Variants in SCD5 observed in about 807,000 individuals in gnomAD.
SCD5 encodes the protein acyl-CoA-desaturase 4.
A neutral mutation model predicts 30.4 loss-of-function variants in SCD5; 20 were observed. The ratio of observed to expected loss-of-function variants is 0.66; its 90% confidence interval spans 0.46 to 0.96. The LOEUF (loss-of-function observed/expected upper bound fraction) is 0.96. Among genes scored for constraint, SCD5 ranks in the 40% least tolerant of loss-of-function variants. The probability of loss-of-function intolerance (pLI) is 0.00; values close to 1 mark genes in which losing one functional copy is unlikely to be tolerated. For synonymous variants in SCD5, 173 were observed against 176.4 expected, an observed-to-expected ratio of 0.98 and a Z score of 0.16; for missense variants, 381 against 443.3, an observed-to-expected ratio of 0.86 and a Z score of 1.26.
At chr4:82,642,221 G>A (rs1467276582) in intron 3 of SCD5, among the ~76,000 whole-genome samples, 8 of 151,994 alleles carry the variant, frequency 5.3e-5, no homozygotes, top group Non-Finnish European at 1.0e-4. Context: ...CAGCCACACC[G>A]GTTGTATACA....
chr4:82,751,357 G>A (rs139803377), intron 1 of SCD5, among the ~76,000 whole-genome samples: 7 of 152,064 alleles, frequency 4.6e-5, no homozygotes, highest in African/African-American at 1.7e-4. Context: ...CACCATACCC[G>A]GCTAAGAGAA....
intron 1 of SCD5, among the ~76,000 whole-genome samples, chr4:82,773,035 A>C (rs1721663192): frequency 6.6e-6 from 1 of 152,128 alleles, no homozygotes; most frequent in Admixed American, 6.5e-5. Context: ...ACTGCAATGC[A>C]TGGTGTGGGG....
At chr4:82,744,365 G>A (rs1195716023) in intron 1 of SCD5, among the ~76,000 whole-genome samples, 1 of 152,152 alleles carries the variant, frequency 6.6e-6, no homozygotes, top group Non-Finnish European at 1.5e-5. Context: ...ATTTACTCAG[G>A]TACAAAAAGT....
intron 2 of SCD5, among the ~76,000 whole-genome samples, chr4:82,689,525 A>G (rs1728786266): frequency 6.6e-6 from 1 of 152,218 alleles, no homozygotes; most frequent in Non-Finnish European, 1.5e-5. Flanking sequence ...CTATAAATAC[A>G]TTGGAAAAAG....
chr4:82,701,556 G>A (rs1719841986), intron 2 of SCD5, among the ~76,000 whole-genome samples: 2 of 152,112 alleles, frequency 1.3e-5, no homozygotes, highest in South Asian at 4.1e-4. Context: ...CATGCTGTAG[G>A]ACAGCACATA....
At chr4:82,692,016 G>A (rs1719529546) in intron 2 of SCD5, 1 of 151,512 alleles carries the variant, frequency 6.6e-6, no homozygotes, top group East Asian at 1.9e-4. Flanking sequence ...GTGAAACTCT[G>A]CCCTGAGATC....
intron 2 of SCD5, among the ~76,000 whole-genome samples, chr4:82,703,329 C>T (rs1719897559): frequency 6.6e-6 from 1 of 152,114 alleles, no homozygotes; most frequent in Non-Finnish European, 1.5e-5. Flanking sequence ...CAGACATTAG[C>T]ATACAGAAAC....
At chr4:82,695,529 G>A (rs573749420) in intron 2 of SCD5, among the ~76,000 whole-genome samples, 46 of 152,298 alleles carry the variant, frequency 3.0e-4, no homozygotes, top group Non-Finnish European at 5.7e-4. Flanking sequence ...CAGACTTCTG[G>A]TGGGAAAGCT....
intron 2 of SCD5, 107 bp downstream of exon 2, chr4:82,705,176 C>A (rs1719941842): frequency 1.4e-6 from 2 of 1,396,488 alleles, no homozygotes; most frequent in South Asian, 1.3e-5. Context: ...GGGGCCTGAA[C>A]ACTGAGTCTA....
chr4:82,796,249 G>A (rs1024368743), intron 1 of SCD5, among the ~76,000 whole-genome samples: 4 of 148,036 alleles, frequency 2.7e-5, no homozygotes, highest in Admixed American at 6.7e-5. Flanking sequence ...CAGCCTGGGC[G>A]ACAGAGCGAG....
chr4:82,796,121 T>C (rs1227266481), intron 1 of SCD5, among the ~76,000 whole-genome samples: 1 of 151,404 alleles, frequency 6.6e-6, no homozygotes, highest in Non-Finnish European at 1.5e-5. Flanking sequence ...ATACAAAAAA[T>C]TAGCCGGGCG....
At chr4:82,641,656 A>T (rs1727549520) in intron 3 of SCD5, among the ~76,000 whole-genome samples, 1 of 152,046 alleles carries the variant, frequency 6.6e-6, no homozygotes, top group South Asian at 2.1e-4. Flanking sequence ...GATGAACAAG[A>T]GGGAGGGTTG....
Position 82,734,610 on chromosome 4 carries a change from T to C in SCD5, c.233-29197A>G, listed in dbSNP as rs561891411. On this transcript the variant is annotated intron_variant, in intron 1 of 4. Coordinates refer to ENST00000319540, the MANE Select transcript of SCD5 (RefSeq NM_001037582.3). ...TTTAAAATTGTGCTTTTAACCAATTTTGTAATGAGAGATAAATACAAAACA... is the reference window on the plus strand; with the variant it reads ...TTTAAAATTGTGCTTTTAACCAATTCTGTAATGAGAGATAAATACAAAACA... Among the ~76,000 whole-genome samples the C allele has an allele frequency of 1.1e-3, 167 of 152,314 alleles. 1 individual carries two copies. The highest frequency in any genetic ancestry group is 3.9e-3 in the African/African-American group (161 of 41,564).
chr4:82,773,825 G>T (rs149674513), intron 1 of SCD5, among the ~76,000 whole-genome samples: 1 of 152,044 alleles, frequency 6.6e-6, no homozygotes, highest in Non-Finnish European at 1.5e-5. Flanking sequence ...GAGGCCGGGC[G>T]TGGTGGCTCA....
At chr4:82,684,831 G>A (rs1005467590) in intron 2 of SCD5, among the ~76,000 whole-genome samples, 2 of 152,010 alleles carry the variant, frequency 1.3e-5, no homozygotes, top group South Asian at 2.1e-4. Context: ...TTTGCTGCAC[G>A]GGAAACAAAA....
intron 1 of SCD5, among the ~76,000 whole-genome samples, chr4:82,766,569 ACT>A (rs1049457144): frequency 1.3e-5 from 2 of 151,590 alleles, no homozygotes; most frequent in Non-Finnish European, 2.9e-5. Flanking sequence ...GTCATTTCCG[ACT>A]CTGTTTCTAT....
intron 2 of SCD5, among the ~76,000 whole-genome samples, chr4:82,689,757 T>A (rs6848068): frequency 6.6e-6 from 1 of 152,090 alleles, no homozygotes; most frequent in African/African-American, 2.4e-5. Flanking sequence ...AAATAGCAAT[T>A]TTACAGTGGA....
chr4:82,720,305 C>T (rs6535393), intron 1 of SCD5, among the ~76,000 whole-genome samples: 89,509 of 151,076 alleles, frequency 0.59, 28,406 homozygotes, highest in African/African-American at 0.83. Context: ...TGGTGATGTA[C>T]GCCTGTAGTC....
intron 3 of SCD5, among the ~76,000 whole-genome samples, chr4:82,650,836 T>C (rs1727736774): frequency 1.6e-5 from 1 of 60,816 alleles, no homozygotes; most frequent in Non-Finnish European, 4.6e-5. Flanking sequence ...GTTAATTATA[T>C]ATAAGATTAC....
Sources: allele counts gnomAD v4.1 joint callset (sites outside exome capture counted in the v4.1 genomes callset), GRCh38; gene constraint gnomAD v4.1.1; transcripts MANE v1.5; gene names NCBI Gene and HGNC (gene_info 2026-07-23, HGNC 2026-07-21).